Variants in MAP2K5 observed in about 807,000 individuals in gnomAD.
The protein encoded by MAP2K5 is mitogen-activated protein kinase kinase 5.
In MAP2K5, 49 loss-of-function variants were observed where a neutral mutation model predicts 83.1. That is an observed-to-expected ratio of 0.59 (90% CI 0.47 to 0.75). The LOEUF (loss-of-function observed/expected upper bound fraction) is 0.75, where lower values mean the gene tolerates loss of function less well. Among genes scored for constraint, MAP2K5 ranks in the 30% least tolerant of loss-of-function variants. The probability of loss-of-function intolerance (pLI) is 0.00; values close to 1 mark genes in which losing one functional copy is unlikely to be tolerated. For missense variants in MAP2K5, 457 were observed against 557.5 expected, an observed-to-expected ratio of 0.82 and a Z score of 1.82; for synonymous variants, 202 against 191.8, an observed-to-expected ratio of 1.05 and a Z score of -0.44.
At chr15:67,623,097 G>A (rs1468094156) in intron 8 of MAP2K5, among the ~76,000 whole-genome samples, 4 of 151,970 alleles carry the variant, frequency 2.6e-5, no homozygotes, top group East Asian at 1.9e-4. Flanking sequence ...GCGAGACTCC[G>A]TCTCAAAAAA....
chr15:67,599,685 A>ATTTTT (rs10665135), intron 7 of MAP2K5, among the ~76,000 whole-genome samples: 6 of 148,376 alleles, frequency 4.0e-5, no homozygotes, highest in Non-Finnish European at 4.5e-5. Context: ...CTGGAAATTG[A>ATTTTT]TTTTTTTTTT....
intron 16 of MAP2K5, among the ~76,000 whole-genome samples, chr15:67,710,200 G>A (rs189045436): frequency 1.3e-5 from 2 of 152,282 alleles, no homozygotes; most frequent in Admixed American, 1.3e-4. Flanking sequence ...TACGCATTTT[G>A]CTCTTTTCAC....
rs1201234284 is a variant in MAP2K5 at position 67,764,657 on chromosome 15, TTGAA to T, written c.1135-4931_1135-4928del. Among the ~76,000 whole-genome samples, 1 of 152,162 alleles carries T rather than the reference TTGAA, an allele frequency of 6.6e-6. No individual in the cohort carries two copies. The highest frequency in any genetic ancestry group is 2.4e-5 in the African/African-American group (1 of 41,434). On this transcript the variant is annotated intron_variant, in intron 19 of 21. Coordinates refer to ENST00000178640, the MANE Select transcript of MAP2K5 (RefSeq NM_145160.3). The surrounding 1 kb of genome is among the most constrained non-coding windows in gnomAD (Gnocchi z 4.9). The stretch of plus-strand genomic sequence containing the variant: ...ACATGGTAGATGCCCACAAAAGCTG[TTGAA>T]TGAATGAATGAATAATGAATGATTG...
intron 8 of MAP2K5, among the ~76,000 whole-genome samples, chr15:67,605,361 G>A (rs894926643): frequency 7.2e-5 from 11 of 152,168 alleles, no homozygotes; most frequent in Admixed American, 1.3e-4. Flanking sequence ...CCAGCCATGG[G>A]ACTCTTTTTG....
Position 67,790,937 on chromosome 15 carries a change from G to A in MAP2K5, c.1243-15709G>A, listed in dbSNP as rs143914560. Reference sequence around the variant, plus strand: ...ATGCTGTTCTCCATATTTTACAGAAGACGAGTCAGAGCTAGGGGGAATAAG... The same window carrying A: ...ATGCTGTTCTCCATATTTTACAGAAAACGAGTCAGAGCTAGGGGGAATAAG... On this transcript the variant is annotated intron_variant, in intron 21 of 21. Coordinates refer to ENST00000178640, the MANE Select transcript of MAP2K5 (RefSeq NM_145160.3). The surrounding 1 kb of genome is among the most constrained non-coding windows in gnomAD (Gnocchi z 4.6). Among the ~76,000 whole-genome samples the A allele has an allele frequency of 3.1e-3, 470 of 152,256 alleles. 2 individuals are homozygous for A. Among genetic ancestry groups the A allele is most frequent in the African/African-American group, 0.011 (455 of 41,530 alleles).
intron 13 of MAP2K5, among the ~76,000 whole-genome samples, chr15:67,672,113 C>T (rs999270676): frequency 7.3e-4 from 111 of 151,922 alleles, no homozygotes; most frequent in African/African-American, 2.5e-3. Context: ...AATAGTGCTG[C>T]AATAAACATA....
intron 21 of MAP2K5, among the ~76,000 whole-genome samples, chr15:67,791,619 C>T (rs534669091): frequency 6.6e-6 from 1 of 152,298 alleles, no homozygotes; most frequent in South Asian, 2.1e-4. Flanking sequence ...GGTTTGGGAG[C>T]TGACATCCAG....
intron 12 of MAP2K5, among the ~76,000 whole-genome samples, chr15:67,662,250 G>A (rs1001408854): frequency 1.3e-5 from 2 of 152,134 alleles, no homozygotes; most frequent in Admixed American, 6.6e-5. Context: ...TTTAGTATTT[G>A]GGAATTGGCT....
chr15:67,695,017 C>A (rs2088212953), intron 15 of MAP2K5, among the ~76,000 whole-genome samples: 2 of 151,090 alleles, frequency 1.3e-5, no homozygotes, highest in African/African-American at 4.9e-5. Context: ...GAACAAAAAA[C>A]CAAACACCAC....
rs1338809554 is a variant in MAP2K5 at position 67,562,175 on chromosome 15, C to T, written c.185-1108C>T. ...GGGAGGCTCTGTACGTTGCTCCAGA[C>T]GTTTTTGGCATTTCTTTCAACTGTG... is the stretch of plus-strand genomic sequence containing the variant. On this transcript the variant is annotated intron_variant, in intron 2 of 21. Coordinates refer to ENST00000178640, the MANE Select transcript of MAP2K5 (RefSeq NM_145160.3). This position sits in a 1 kb window ranked among gnomAD's most constrained non-coding sequence, Gnocchi z 4.1. Among the ~76,000 whole-genome samples, 1 of 152,210 alleles carries T rather than the reference C, an allele frequency of 6.6e-6. No homozygotes were observed. Among genetic ancestry groups the T allele is most frequent in the Non-Finnish European group, 1.5e-5 (1 of 68,036 alleles).
intron 21 of MAP2K5, among the ~76,000 whole-genome samples, chr15:67,804,684 G>A (rs547835571): frequency 9.2e-5 from 14 of 152,330 alleles, no homozygotes; most frequent in African/African-American, 1.9e-4. Flanking sequence ...AAGTCACCCG[G>A]CATTCTGGGA....
intron 11 of MAP2K5, among the ~76,000 whole-genome samples, chr15:67,654,224 C>A (rs539478039): frequency 1.3e-5 from 2 of 152,210 alleles, no homozygotes; most frequent in African/African-American, 4.8e-5. Context: ...TAGGTCCATG[C>A]ATGTTTATAA....
intron 8 of MAP2K5, among the ~76,000 whole-genome samples, chr15:67,605,059 CTT>C (rs970873039): frequency 2.1e-5 from 3 of 140,050 alleles, no homozygotes; most frequent in Non-Finnish European, 1.6e-5. Context: ...GGACTCTTTT[CTT>C]TTTTTTTTTT....
intron 8 of MAP2K5, among the ~76,000 whole-genome samples, chr15:67,602,738 T>C (rs1261687477): frequency 1.3e-5 from 2 of 152,244 alleles, no homozygotes; most frequent in Non-Finnish European, 2.9e-5. Context: ...CTCAGCTCAG[T>C]GCAACCTCTG....
intron 7 of MAP2K5, among the ~76,000 whole-genome samples, chr15:67,595,200 T>G (rs528112448): frequency 6.6e-6 from 1 of 152,202 alleles, no homozygotes; most frequent in Non-Finnish European, 1.5e-5. Context: ...TCTGCCTGGG[T>G]TCATTGATAT....
At chr15:67,667,447 T>C (rs1224727086) in intron 13 of MAP2K5, among the ~76,000 whole-genome samples, 1 of 152,186 alleles carries the variant, frequency 6.6e-6, no homozygotes, top group Non-Finnish European at 1.5e-5. Flanking sequence ...TAGCTGAACA[T>C]GTGTCACATT....
rs1226622554 is a variant in MAP2K5, at chr15:67,708,004, T to C, written c.1044+4596T>C. Among the ~76,000 whole-genome samples, 1 of 152,092 alleles carries C rather than the reference T, an allele frequency of 6.6e-6. No individual in the cohort carries two copies. The highest frequency in any genetic ancestry group is 1.5e-5 in the Non-Finnish European group (1 of 68,002). On this transcript the variant is annotated intron_variant, in intron 16 of 21. Transcript: ENST00000178640. This position sits in a 1 kb window ranked among gnomAD's most constrained non-coding sequence, Gnocchi z 4.9. ...AATGTAGGAAACCGAGCAAAGGAAT[T>C]TCCCTGAAATTACACAGGAATCAAA... is the stretch of plus-strand genomic sequence containing the variant.
At position 67,774,159 on chromosome 15, in the gene MAP2K5, GTGTGTGTA is replaced by G. The variant is rs71142398; in HGVS notation, c.1242+1415_1242+1422del. On this transcript the variant is annotated intron_variant, in intron 21 of 21. Coordinates refer to ENST00000178640, the MANE Select transcript of MAP2K5 (RefSeq NM_145160.3). The surrounding 1 kb of genome is among the most constrained non-coding windows in gnomAD (Gnocchi z 4.9). ...TTTCAGTGCCTTGAAAGCAAGTGATGTGTGTGTATGTGTGTGTGTGTGTGTGTGTGTGT... is the reference window on the plus strand; with the variant it reads ...TTTCAGTGCCTTGAAAGCAAGTGATGTGTGTGTGTGTGTGTGTGTGTGTGT... 0.019 allele frequency among the ~76,000 whole-genome samples: 761 copies of G among 40,452 alleles called. 12 individuals carry two copies. The highest frequency in any genetic ancestry group is 0.15 in the South Asian group (139 of 954). 26.5% of individuals were successfully genotyped at this position (40,452 alleles called of 152,430 possible).
chr15:67,635,590 T>C (rs1257818857), intron 9 of MAP2K5, among the ~76,000 whole-genome samples: 12 of 152,212 alleles, frequency 7.9e-5, no homozygotes, highest in Non-Finnish European at 2.9e-5. Flanking sequence ...CAGATTTCCA[T>C]CTAGTAGTAT....
Sources: gnomAD v4.1 joint callset for allele counts (sites outside exome capture counted in the v4.1 genomes callset) on GRCh38, gnomAD v4.1.1 for gene constraint, Gnocchi (gnomAD v3.1) non-coding constraint, MANE v1.5 for transcripts, NCBI Gene and HGNC (gene_info 2026-07-23, HGNC 2026-07-21) for gene names.